Variants in HMCN1 observed in about 807,000 individuals in gnomAD.
The protein encoded by HMCN1 is hemicentin-1.
HMCN1 carries 321 observed loss-of-function variants against 625.9 expected under a neutral mutation model. The ratio of observed to expected loss-of-function variants is 0.51; its 90% CI spans 0.47 to 0.56. The LOEUF is 0.56. Ranked by LOEUF, HMCN1 falls within the 20% of genes least tolerant of loss-of-function variation. HMCN1 has a pLI of 0.00. For missense variants in HMCN1, 6,588 were observed against 6,887.3 expected, an observed-to-expected ratio of 0.96 and a Z score of 1.54; for synonymous variants, 2,425 against 2,417.6, an observed-to-expected ratio of 1.00 and a Z score of -0.09.
intron 2 of HMCN1, among the ~76,000 whole-genome samples, chr1:185,847,852 G>A (rs192829062): frequency 1.4e-4 from 22 of 152,044 alleles, no homozygotes; most frequent in African/African-American, 5.3e-4. Context: ...ACTTGGAAAG[G>A]TGAGGGTGGA....
At chr1:186,088,110 GT>G (rs559753232) in intron 61 of HMCN1, 34 bp from the exon 62 acceptor site, 36 of 1,602,710 alleles carry the variant, frequency 2.2e-5, no homozygotes, top group African/African-American at 5.4e-5. Flanking sequence ...ATTTTCTTCT[GT>G]TTTTTTGTTT....
At chr1:185,827,143 G>T (rs1660570322) in intron 1 of HMCN1, among the ~76,000 whole-genome samples, 1 of 142,300 alleles carries the variant, frequency 7.0e-6, no homozygotes, top group African/African-American at 2.7e-5. Flanking sequence ...CTGCACTCCA[G>T]CCTGGGCGAC....
At position 185,960,124 on chromosome 1, in the gene HMCN1, CTT is replaced by C. The variant is rs1167408279; in HGVS notation, c.1829-2374_1829-2373del. Among the ~76,000 whole-genome samples the C allele has an allele frequency of 2.5e-3, 269 of 108,908 alleles. 1 individual carries two copies. The highest frequency in any genetic ancestry group is 9.3e-3 in the African/African-American group (253 of 27,178). The allele number at this position is 108,908 out of a possible 152,430, so 71.4% of individuals were successfully genotyped here. A position where few individuals can be genotyped will look rare whatever the true frequency, so the allele number is the denominator to read the frequency against. On this transcript the variant is annotated intron_variant, in intron 11 of 106. Transcript: ENST00000271588. ...TAAGTATCTTATCAGCAGGAATATTCTTTTTTTTTTTTTTTTTTTTTGAGACG... is the reference window on the plus strand; with the variant it reads ...TAAGTATCTTATCAGCAGGAATATTCTTTTTTTTTTTTTTTTTTTGAGACG...
At chr1:185,940,126 T>G (rs1312300121) in intron 11 of HMCN1, among the ~76,000 whole-genome samples, 1 of 152,202 alleles carries the variant, frequency 6.6e-6, no homozygotes, top group Non-Finnish European at 1.5e-5. Flanking sequence ...AGTAGAGTGG[T>G]AAAAGTGCTT....
intron 4 of HMCN1, among the ~76,000 whole-genome samples, chr1:185,878,167 G>A (rs1222793995): frequency 1.3e-5 from 2 of 152,062 alleles, no homozygotes; most frequent in Non-Finnish European, 1.5e-5. Context: ...GAGTTTTCTA[G>A]GTATAAGATT....
chr1:185,881,568 G>A (rs1315842176), intron 4 of HMCN1, among the ~76,000 whole-genome samples: 1 of 152,134 alleles, frequency 6.6e-6, no homozygotes, highest in Non-Finnish European at 1.5e-5. Context: ...GGGAAAACAG[G>A]GATATAAGTT....
chr1:185,930,575 G>A (rs1667491523), intron 10 of HMCN1, among the ~76,000 whole-genome samples: 3 of 152,042 alleles, frequency 2.0e-5, no homozygotes, highest in South Asian at 4.1e-4. Flanking sequence ...TAAAGTCAAG[G>A]AACACCCAAG....
intron 41 of HMCN1, among the ~76,000 whole-genome samples, chr1:186,046,484 A>G (rs1656584335): frequency 6.8e-6 from 1 of 147,856 alleles, no homozygotes; most frequent in Admixed American, 6.8e-5. Flanking sequence ...AAAAAAAAAA[A>G]TGCAAAAGAG....
At chr1:185,860,907 T>C (rs942862926) in intron 2 of HMCN1, among the ~76,000 whole-genome samples, 1 of 152,178 alleles carries the variant, frequency 6.6e-6, no homozygotes, top group African/African-American at 2.4e-5. Flanking sequence ...CAGAAAAGGT[T>C]GTTGACCATC....
At position 186,132,281 on chromosome 1, in the gene HMCN1, T is replaced by A. The variant is rs752428983; in HGVS notation, c.13231-47T>A. Reference sequence around the variant, plus strand: ...ATCATGGTGAAAAAAGTGATTGCCCTGCTCTGTAGGCTCATATTTTTGTAA... The same window carrying A: ...ATCATGGTGAAAAAAGTGATTGCCCAGCTCTGTAGGCTCATATTTTTGTAA... On this transcript the variant is annotated intron_variant, in intron 85 of 106. Coordinates refer to ENST00000271588, the MANE Select transcript of HMCN1 (RefSeq NM_031935.3). 1.1e-4 allele frequency: 148 copies of A among 1,352,972 alleles called. 2 individuals are homozygous for A. In the South Asian group the frequency reaches 1.7e-3, roughly 16 times the overall value. 83.8% of individuals were successfully genotyped at this position (1,352,972 alleles called of 1,614,324 possible). A position where few individuals can be genotyped will look rare whatever the true frequency, so the allele number is the denominator to read the frequency against.
chr1:186,030,949 T>G (rs1175046657), intron 36 of HMCN1, among the ~76,000 whole-genome samples: 2 of 151,976 alleles, frequency 1.3e-5, no homozygotes, highest in Non-Finnish European at 2.9e-5. Flanking sequence ...TCCCCTCTTT[T>G]GTGCTATTAT....
intron 5 of HMCN1, among the ~76,000 whole-genome samples, chr1:185,910,139 A>C (rs1666332133): frequency 6.6e-6 from 1 of 152,056 alleles, no homozygotes; most frequent in Non-Finnish European, 1.5e-5. Context: ...ATTTAGAAAT[A>C]TTTTTTACCT....
intron 11 of HMCN1, among the ~76,000 whole-genome samples, chr1:185,954,349 T>C (rs1649463667): frequency 6.6e-6 from 1 of 152,200 alleles, no homozygotes; most frequent in Non-Finnish European, 1.5e-5. Context: ...GGTTTCGTTG[T>C]GAGAACTCAA....
intron 34 of HMCN1, 59 bp downstream of exon 34, chr1:186,018,411 T>C: frequency 7.0e-7 from 1 of 1,420,694 alleles, no homozygotes; most frequent in Non-Finnish European, 1.0e-6. Flanking sequence ...ATTGTTTTAT[T>C]ATCTAACTCA....
At chr1:186,142,680 C>G (rs974042236) in intron 89 of HMCN1, among the ~76,000 whole-genome samples, 3 of 152,082 alleles carry the variant, frequency 2.0e-5, no homozygotes, top group Non-Finnish European at 4.4e-5. Context: ...CACTTGAACT[C>G]TACAACATTT....
At chr1:185,865,681 A>C in intron 3 of HMCN1, 60 bp from the exon 4 acceptor site, 2 of 1,454,436 alleles carry the variant, frequency 1.4e-6, no homozygotes, top group South Asian at 2.3e-5. Context: ...TAGTCAATAC[A>C]CATATTTTTT....
intron 80 of HMCN1, among the ~76,000 whole-genome samples, chr1:186,121,947 C>T (rs746228573): frequency 5.9e-5 from 9 of 152,070 alleles, no homozygotes; most frequent in Admixed American, 3.9e-4. Context: ...AGAGAGTGAA[C>T]GGCTTTGTTA....
intron 49 of HMCN1, among the ~76,000 whole-genome samples, chr1:186,067,534 T>G (rs1658203672): frequency 6.6e-6 from 1 of 152,166 alleles, no homozygotes; most frequent in African/African-American, 2.4e-5. Context: ...CAAACTGGAC[T>G]GGATGCTAAC....
At chr1:185,977,653 C>A in intron 15 of HMCN1, 134 bp from the exon 16 acceptor site, 2 of 693,030 alleles carry the variant, frequency 2.9e-6, no homozygotes, top group Admixed American at 2.2e-5. Flanking sequence ...AGAGGAATAT[C>A]AACAGGGTAA....
Sources: allele counts gnomAD v4.1 joint callset (sites outside exome capture counted in the v4.1 genomes callset), GRCh38; gene constraint gnomAD v4.1.1; transcripts MANE v1.5; gene names NCBI Gene and HGNC (gene_info 2026-07-23, HGNC 2026-07-21).